NCAM1: variants seen among roughly 807,000 people sequenced by gnomAD.
NCAM1 encodes antigen recognized by monoclonal antibody 5.1H11.
NCAM1 carries 14 observed loss-of-function variants against 109.8 expected under a neutral mutation model. The observed-to-expected ratio is 0.13, with a 90% CI of 0.08 to 0.20. The LOEUF is 0.20. NCAM1 is among the 10% of genes least tolerant of loss of function. NCAM1 has a pLI of 1.00. For missense variants in NCAM1, 774 were observed against 1,109.9 expected, an observed-to-expected ratio of 0.70 and a Z score of 4.30; for synonymous variants, 418 against 442.9, an observed-to-expected ratio of 0.94 and a Z score of 0.70.
chr11:113,014,746 T>G (rs1555075028), intron 1 of NCAM1, among the ~76,000 whole-genome samples: 1 of 152,226 alleles, frequency 6.6e-6, no homozygotes, highest in Admixed American at 6.5e-5. Context: ...GAGGTCGTCT[T>G]GGTTGTAAGG....
chr11:113,264,096 C>T (rs10502171), intron 17 of NCAM1: 62,083 of 985,234 alleles, frequency 0.063, 2,182 homozygotes, highest in African/African-American at 0.12. Flanking sequence ...TTGGTAATAT[C>T]AGTGTGTGTG....
intron 1 of NCAM1, among the ~76,000 whole-genome samples, chr11:112,986,137 T>C (rs1278916704): frequency 8.5e-5 from 13 of 152,174 alleles, no homozygotes; most frequent in African/African-American, 3.1e-4. Flanking sequence ...TTGAATTTTG[T>C]CAAATGCTTT....
At chr11:113,110,712 GT>G (rs1940407379) in intron 1 of NCAM1, among the ~76,000 whole-genome samples, 1 of 152,140 alleles carries the variant, frequency 6.6e-6, no homozygotes, top group Non-Finnish European at 1.5e-5. Flanking sequence ...AGAAGCAGAA[GT>G]TTTAAATTTT....
chr11:113,259,321 G>C (rs893554073), intron 16 of NCAM1, among the ~76,000 whole-genome samples: 2 of 152,156 alleles, frequency 1.3e-5, no homozygotes, highest in Non-Finnish European at 2.9e-5. Flanking sequence ...AAAGTGCTGG[G>C]ATTACAGGCG....
At chr11:113,110,037 A>T (rs574607944) in intron 1 of NCAM1, among the ~76,000 whole-genome samples, 2 of 152,230 alleles carry the variant, frequency 1.3e-5, no homozygotes, top group East Asian at 3.9e-4. Flanking sequence ...TGTGGTTGTA[A>T]TTTGTTTTTT....
intron 7 of NCAM1, among the ~76,000 whole-genome samples, chr11:113,212,830 CA>C (rs1555113825): frequency 6.6e-6 from 1 of 152,104 alleles, no homozygotes; most frequent in East Asian, 1.9e-4. Context: ...GTAATATTCT[CA>C]AAAATCGTAC....
intron 17 of NCAM1, chr11:113,264,159 G>A (rs889029688): frequency 1.0e-6 from 1 of 985,276 alleles, no homozygotes; most frequent in African/African-American, 1.7e-5. Flanking sequence ...CCCCATTGTG[G>A]TCACATATCA....
intron 1 of NCAM1, among the ~76,000 whole-genome samples, chr11:112,966,337 A>G (rs1313423758): frequency 2.0e-5 from 3 of 152,224 alleles, no homozygotes; most frequent in Admixed American, 6.5e-5. Flanking sequence ...AAAATTTTTT[A>G]CTTTTCATAA....
At chr11:113,086,600 A>G (rs1404466437) in intron 1 of NCAM1, among the ~76,000 whole-genome samples, 1 of 152,196 alleles carries the variant, frequency 6.6e-6, no homozygotes, top group African/African-American at 2.4e-5. Flanking sequence ...AAGTTCATTC[A>G]TTACTGAGGC....
At chr11:113,126,133 G>GT (rs1941165787) in intron 1 of NCAM1, among the ~76,000 whole-genome samples, 1 of 145,626 alleles carries the variant, frequency 6.9e-6, no homozygotes, top group Non-Finnish European at 1.5e-5. Flanking sequence ...CTTCAGCTGG[G>GT]TGACAGAGTG....
In NCAM1 at chr11:113,023,562, A is replaced by G. The variant is rs567533506; in HGVS notation, c.52+61898A>G. 3.1e-4 allele frequency among the ~76,000 whole-genome samples: 47 copies of G among 152,336 alleles called. 1 individual carries two copies. The highest frequency in any genetic ancestry group is 1.1e-3 in the African/African-American group (46 of 41,584). Reference sequence around the variant, plus strand: ...TGAAGGACTTGGGAAGTATGAACACAGTTTTCCTTTAAAAGAAAATTTTAA... The same window carrying G: ...TGAAGGACTTGGGAAGTATGAACACGGTTTTCCTTTAAAAGAAAATTTTAA... On this transcript the variant is annotated intron_variant, in intron 1 of 19. Coordinates refer to ENST00000316851, the MANE Select transcript of NCAM1 (RefSeq NM_181351.5).
chr11:113,079,081 C>T (rs935571113), intron 1 of NCAM1, among the ~76,000 whole-genome samples: 2 of 152,074 alleles, frequency 1.3e-5, no homozygotes, highest in East Asian at 3.9e-4. Flanking sequence ...GAGGGGCACC[C>T]GTGGCCTCTG....
chr11:113,232,746 G>A lies in NCAM1; in HGVS notation c.1454G>A (p.Gly485Glu), dbSNP rs1945047783. 2 of 1,613,718 alleles carry A rather than the reference G, an allele frequency of 1.2e-6. No homozygotes were observed. Among genetic ancestry groups the A allele is most frequent in the Admixed American group, 1.7e-5 (1 of 59,988 alleles). The part of the protein sequence containing the change: ...EVTPDSENDF[G>E]NYNCTAVNRI... Reference sequence around the variant, plus strand: ...ACCCCAGACTCTGAGAATGATTTTGGGAACTACAACTGTACTGCAGTGAAC... The same window carrying A: ...ACCCCAGACTCTGAGAATGATTTTGAGAACTACAACTGTACTGCAGTGAAC... The change falls in exon 12 of 20, where the codon GGG becomes GAG. Residue 485 changes from glycine to glutamate, a missense_variant. By Grantham distance (98) the Gly-to-Glu change is moderately conservative. Transcript: ENST00000316851.
chr11:112,963,056 C>T lies in NCAM1; in HGVS notation c.52+1392C>T, dbSNP rs1403906207. Among the ~76,000 whole-genome samples the T allele has an allele frequency of 1.3e-5, 2 of 152,142 alleles. No individual in the cohort carries two copies. The highest frequency in any genetic ancestry group is 2.4e-5 in the African/African-American group (1 of 41,448). On this transcript the variant is annotated intron_variant, in intron 1 of 19. Coordinates refer to ENST00000316851, the MANE Select transcript of NCAM1 (RefSeq NM_181351.5). This position sits in a 1 kb window ranked among gnomAD's most constrained non-coding sequence, Gnocchi z 4.6. ...GCACAAGAGCAGCGCTCGGCCGCCG[C>T]CTCCAGCCAACTCGGGTCCCTCCCA...
intron 1 of NCAM1, among the ~76,000 whole-genome samples, chr11:112,999,948 C>T (rs1235171947): frequency 5.9e-5 from 9 of 152,140 alleles, no homozygotes; most frequent in African/African-American, 2.2e-4. Context: ...CCATTAGTCA[C>T]CATGGCAGTT....
At position 112,961,554 on chromosome 11, in the gene NCAM1, A is replaced by G. The variant is rs1048810733; in HGVS notation, c.-59A>G. The G allele has an allele frequency of 2.1e-5, 20 of 942,592 alleles. No individual in the cohort carries two copies. Among genetic ancestry groups the G allele is most frequent in the South Asian group, 5.6e-5 (4 of 71,606 alleles). The allele number at this position is 942,592 out of a possible 1,614,324, so 58.4% of individuals were successfully genotyped here. ...CTCAGCCGCCGTCCACACTCGCTGC[A>G]GGGGGGGGGGCACAGAATTTACCGC... On this transcript the variant is annotated 5_prime_UTR_variant, in exon 1 of 20. Transcript: ENST00000316851.
At chr11:113,230,034 TAACA>T (rs1422358178) in intron 9 of NCAM1, among the ~76,000 whole-genome samples, 1 of 151,674 alleles carries the variant, frequency 6.6e-6, no homozygotes, top group African/African-American at 2.4e-5. Flanking sequence ...TATACGTATG[TAACA>T]AACCTGCACG....
At chr11:113,012,528 C>A (rs782612697) in intron 1 of NCAM1, among the ~76,000 whole-genome samples, 3 of 152,248 alleles carry the variant, frequency 2.0e-5, no homozygotes, top group Non-Finnish European at 4.4e-5. Flanking sequence ...CTGGGGCCAG[C>A]AGTCTGAAAT....
intron 1 of NCAM1, among the ~76,000 whole-genome samples, chr11:113,008,039 G>A (rs537548201): frequency 2.0e-5 from 3 of 152,286 alleles, no homozygotes; most frequent in African/African-American, 7.2e-5. Context: ...TTAATTGACA[G>A]CTTTTATTTC....
Sources: allele counts gnomAD v4.1 joint callset (sites outside exome capture counted in the v4.1 genomes callset), GRCh38; gene constraint gnomAD v4.1.1; non-coding constraint Gnocchi (gnomAD v3.1); transcripts MANE v1.5; gene names NCBI Gene and HGNC (gene_info 2026-07-23, HGNC 2026-07-21).